LAMP3: variants seen among roughly 807,000 people sequenced by gnomAD.
The protein encoded by LAMP3 is lysosome associated membrane protein 3.
Under a neutral mutation model 34.8 loss-of-function variants are expected in LAMP3, and 26 were observed. The observed-to-expected ratio is 0.75, with a 90% CI of 0.55 to 1.04. The LOEUF is 1.04. Among genes scored for constraint, LAMP3 ranks in the 50% least tolerant of loss-of-function variants. The pLI, the probability that LAMP3 is intolerant of heterozygous loss-of-function variation, is 0.00. For missense variants in LAMP3, 495 were observed against 524.0 expected (o/e 0.94, Z 0.54); for synonymous variants, 180 against 201.9 (o/e 0.89, Z 0.92).
intron 1 of LAMP3, among the ~76,000 whole-genome samples, chr3:183,162,394 C>T (rs2108617665): frequency 6.6e-6 from 1 of 152,258 alleles, no homozygotes; most frequent in East Asian, 1.9e-4. Flanking sequence ...GTGTCCAGAA[C>T]CCTTTTGGAA....
intron 1 of LAMP3, among the ~76,000 whole-genome samples, chr3:183,156,561 T>C (rs1197852465): frequency 2.6e-5 from 4 of 152,124 alleles, no homozygotes; most frequent in Non-Finnish European, 5.9e-5. Flanking sequence ...AGTCCTAAAG[T>C]TCATACCCAG....
At chr3:183,163,374 C>G (rs1268927057), upstream of LAMP3, among the ~76,000 whole-genome samples, 1 of 151,168 alleles carries the variant, frequency 6.6e-6, no homozygotes, top group African/African-American at 2.4e-5. Flanking sequence ...GGGATCTCGG[C>G]TCACTGCCCT....
intron 3 of LAMP3, among the ~76,000 whole-genome samples, chr3:183,149,544 C>CAA (rs1177679833): frequency 6.3e-4 from 59 of 93,382 alleles, no homozygotes; most frequent in Non-Finnish European, 9.1e-4. Flanking sequence ...GACTCCAACT[C>CAA]AAAAAAAAAA....
intron 3 of LAMP3, among the ~76,000 whole-genome samples, chr3:183,146,293 C>T (rs1449662529): frequency 1.3e-5 from 2 of 152,138 alleles, no homozygotes; most frequent in African/African-American, 4.8e-5. Flanking sequence ...TATCTGGCCT[C>T]AAATGTTAAT....
rs546058161 is a variant in LAMP3 at position 183,154,636 on chromosome 3, G to A, written c.50-245C>T. 4.6e-5 allele frequency among the ~76,000 whole-genome samples: 7 copies of A among 152,296 alleles called. No homozygotes were observed. In the South Asian group the frequency reaches 1.5e-3, roughly 32 times the overall value. Reference sequence around the variant, plus strand: ...GGTTATGACAGTTCCACAGCACCCAGCCCCTTTGCCTGTGTGAGGTGTGGT... The same window carrying A: ...GGTTATGACAGTTCCACAGCACCCAACCCCTTTGCCTGTGTGAGGTGTGGT... On this transcript the variant is annotated intron_variant, in intron 1 of 5. Coordinates refer to ENST00000265598, the MANE Select transcript of LAMP3 (RefSeq NM_014398.4).
intron 5 of LAMP3, chr3:183,132,702 T>C (rs543387534): frequency 2.0e-6 from 2 of 985,460 alleles, no homozygotes; most frequent in South Asian, 4.7e-5. Flanking sequence ...GGTTTCCTAA[T>C]CAGCTCAGGA....
intron 1 of LAMP3, among the ~76,000 whole-genome samples, chr3:183,158,940 C>T (rs1449771694): frequency 2.6e-5 from 4 of 151,748 alleles, no homozygotes; most frequent in Admixed American, 2.6e-4. Context: ...ACTCTGTCAC[C>T]CAGGATGGAG....
At chr3:183,146,266 G>C (rs1353985936) in intron 3 of LAMP3, among the ~76,000 whole-genome samples, 4 of 152,166 alleles carry the variant, frequency 2.6e-5, no homozygotes, top group African/African-American at 9.7e-5. Context: ...GCACAAGGTA[G>C]TCCCCACACA....
intron 1 of LAMP3, among the ~76,000 whole-genome samples, chr3:183,162,282 G>A (rs879275266): frequency 3.2e-4 from 49 of 152,070 alleles, no homozygotes; most frequent in Non-Finnish European, 5.7e-4. Flanking sequence ...CAAGACAGGA[G>A]CGCTTTTCCC....
intron 1 of LAMP3, among the ~76,000 whole-genome samples, chr3:183,160,431 T>C (rs1179050174): frequency 1.3e-5 from 2 of 152,200 alleles, no homozygotes; most frequent in Non-Finnish European, 1.5e-5. Flanking sequence ...CAGTCCACTA[T>C]GTTGTCCAGG....
At chr3:183,145,301 C>T (rs149037500) in intron 3 of LAMP3, among the ~76,000 whole-genome samples, 1 of 152,158 alleles carries the variant, frequency 6.6e-6, no homozygotes, top group African/African-American at 2.4e-5. Context: ...AGGAAATCCA[C>T]CTCTCCTGAC....
chr3:183,162,809 A>C, upstream of LAMP3: 3 of 675,022 alleles, frequency 4.4e-6, no homozygotes, highest in South Asian at 2.1e-5. Flanking sequence ...GGGGAGGGAA[A>C]CTCCGCCGGC....
At chr3:183,137,648 T>C (rs1305765285) in intron 4 of LAMP3, among the ~76,000 whole-genome samples, 4 of 152,180 alleles carry the variant, frequency 2.6e-5, no homozygotes, top group Non-Finnish European at 5.9e-5. Context: ...ACATTACAAC[T>C]GTCACTACCG....
intron 3 of LAMP3, among the ~76,000 whole-genome samples, chr3:183,142,835 G>A (rs1458943278): frequency 1.3e-5 from 2 of 152,120 alleles, no homozygotes; most frequent in Non-Finnish European, 1.5e-5. Flanking sequence ...AATTTCATGG[G>A]GCAACAGCAA....
Position 183,162,697 on chromosome 3 carries a change from G to C in LAMP3, c.-42C>G, listed in dbSNP as rs1396708987. ...GGTTCTGCAGCGTGCGGCGAAGTCC[G>C]GGCAGGCCCCGAATCGGTGCCAGAG... On this transcript the variant is annotated 5_prime_UTR_variant, in exon 1 of 6. Transcript: ENST00000265598. 2.0e-6 allele frequency: 3 copies of C among 1,487,488 alleles called. No individual in the cohort carries two copies. The South Asian group carries it at 4.0e-5, about 20-fold the overall frequency. 92.1% of individuals were successfully genotyped at this position (1,487,488 alleles called of 1,614,324 possible). A position where few individuals can be genotyped will look rare whatever the true frequency, so the allele number is the denominator to read the frequency against.
rs1719722538 is a variant in LAMP3, at chr3:183,123,864, A to T, written c.*217T>A. 1 of 517,218 alleles carries T rather than the reference A, an allele frequency of 1.9e-6. No homozygotes were observed. Among genetic ancestry groups the T allele is most frequent in the Non-Finnish European group, 3.4e-6 (1 of 294,808 alleles). 32.0% of individuals were successfully genotyped at this position (517,218 alleles called of 1,614,324 possible). On this transcript the variant is annotated 3_prime_UTR_variant, in exon 6 of 6. Coordinates refer to ENST00000265598, the MANE Select transcript of LAMP3 (RefSeq NM_014398.4). Reference sequence around the variant, plus strand: ...ATATTCTAAAGGAAACTAGAAAATAAACAGCTCACTATATCTTTCATAAAA... The same window carrying T: ...ATATTCTAAAGGAAACTAGAAAATATACAGCTCACTATATCTTTCATAAAA...
chr3:183,154,380 C>A lies in LAMP3; in HGVS notation c.61G>T (p.Asp21Tyr), dbSNP rs371126983. The part of the protein sequence containing the change: ...LFASLAVILH[D>Y]GSQMRAKAFP... ...GCTTTTGCTCTCATTTGACTGCCAT[C>A]GTGCAAAATTACTGAAAATTAGGAA... is the stretch of plus-strand genomic sequence containing the variant. The change falls in exon 2 of 6, where the codon GAT becomes TAT. Residue 21 changes from aspartate to tyrosine, a missense_variant. Asp to Tyr is a radical substitution (Grantham distance 160). Transcript: ENST00000265598. The A allele has an allele frequency of 1.8e-5, 29 of 1,592,234 alleles. No individual in the cohort carries two copies. In the East Asian group the frequency reaches 5.4e-4, roughly 30 times the overall value.
chr3:183,158,575 G>A (rs1720886751), intron 1 of LAMP3, among the ~76,000 whole-genome samples: 1 of 149,704 alleles, frequency 6.7e-6, no homozygotes, highest in African/African-American at 2.5e-5. Flanking sequence ...TCCACTAGAT[G>A]GAAATTTGCA....
At chr3:183,161,079 C>CCTCATTTGTTTGAGGTAGACAAATG in intron 1 of LAMP3, 1 of 152,156 alleles carries the variant, frequency 6.6e-6, no homozygotes, top group Non-Finnish European at 1.5e-5. Flanking sequence ...AATTGCTGTC[C>CCTCATTTGTTTGAGGTAGACAAATG]AGGTGCTACC....
Sources: gnomAD v4.1 joint callset for allele counts (sites outside exome capture counted in the v4.1 genomes callset) on GRCh38, gnomAD v4.1.1 for gene constraint, MANE v1.5 for transcripts, NCBI Gene and HGNC (gene_info 2026-07-23, HGNC 2026-07-21) for gene names.